ADGRE2: variants seen among roughly 807,000 people sequenced by gnomAD.
The protein encoded by ADGRE2 is CD97 antigen.
A neutral mutation model predicts 100.8 loss-of-function variants in ADGRE2; 83 were observed. The observed-to-expected ratio is 0.82, with a 90% confidence interval of 0.69 to 0.99. The LOEUF is 0.99. Ranked by LOEUF, ADGRE2 falls within the 50% of genes least tolerant of loss-of-function variation. The probability of loss-of-function intolerance (pLI) is 0.00; values close to 1 mark genes in which losing one functional copy is unlikely to be tolerated. For synonymous variants in ADGRE2, 355 were observed against 413.0 expected, an observed-to-expected ratio of 0.86 and a Z score of 1.70; for missense variants, 814 against 1,035.7, an observed-to-expected ratio of 0.79 and a Z score of 2.94.
At chr19:14,738,383 T>C (rs562967055) in intron 20 of ADGRE2, among the ~76,000 whole-genome samples, 67 of 152,022 alleles carry the variant, frequency 4.4e-4, no homozygotes, top group African/African-American at 1.6e-3. Flanking sequence ...ACTGAATTCC[T>C]TTTTTTTCCC....
chr19:14,724,464 T>A, the ADGRE2 span, among the ~76,000 whole-genome samples: 1 of 152,118 alleles, frequency 6.6e-6, no homozygotes, highest in Non-Finnish European at 1.5e-5. Context: ...TGACATTTTC[T>A]CCATTAAAAA....
At chr19:14,776,506 C>T (rs185223569) in intron 2 of ADGRE2, 21 of 594,306 alleles carry the variant, frequency 3.5e-5, no homozygotes, top group Non-Finnish European at 5.4e-5. Flanking sequence ...GGCAGGGTAG[C>T]AGGCTCCGAG....
intron 5 of ADGRE2, among the ~76,000 whole-genome samples, chr19:14,770,487 G>A (rs1296233317): frequency 6.6e-6 from 1 of 151,894 alleles, no homozygotes; most frequent in East Asian, 1.9e-4. Context: ...CTAAAACAGA[G>A]GCTCTCACTG....
chr19:14,769,987 T>C (rs374407915), intron 5 of ADGRE2, among the ~76,000 whole-genome samples: 3 of 152,322 alleles, frequency 2.0e-5, no homozygotes, highest in African/African-American at 7.2e-5. Flanking sequence ...CATGAGCCAC[T>C]GCGCCCGGCC....
chr19:14,749,087 C>T (rs1407175754), intron 16 of ADGRE2, among the ~76,000 whole-genome samples: 2 of 150,398 alleles, frequency 1.3e-5, no homozygotes, highest in East Asian at 3.9e-4. Context: ...TATAAGATCA[C>T]ATTATAATTA....
At position 14,734,330 on chromosome 19, in the gene ADGRE2, G is replaced by C. The variant is rs2042711742; in HGVS notation, c.*1906C>G. 1 of 152,212 alleles carries C rather than the reference G, an allele frequency of 6.6e-6. No individual in the cohort carries two copies. Among genetic ancestry groups the C allele is most frequent in the Non-Finnish European group, 1.5e-5 (1 of 68,078 alleles). The allele number at this position is 152,212 out of a possible 1,614,324, so 9.4% of individuals were successfully genotyped here. On this transcript the variant is annotated 3_prime_UTR_variant, in exon 21 of 21. Coordinates refer to ENST00000315576, the MANE Select transcript of ADGRE2 (RefSeq NM_013447.4). ...GGAGATTAAGACCTGAGCCTGGGCA[G>C]CATAGTGAGACCCACGTCTCTACAA...
chr19:14,750,545 G>A (rs1035156106), intron 16 of ADGRE2, among the ~76,000 whole-genome samples: 1 of 150,862 alleles, frequency 6.6e-6, no homozygotes, highest in Non-Finnish European at 1.5e-5. Context: ...CAGTGTCCTG[G>A]AGGTTTCAAC....
chr19:14,739,742 T>C (rs2042869803), intron 20 of ADGRE2, among the ~76,000 whole-genome samples: 1 of 152,156 alleles, frequency 6.6e-6, no homozygotes, highest in South Asian at 2.1e-4. Flanking sequence ...TTGCCCTGGA[T>C]TGTCTTGGTG....
Position 14,766,349 on chromosome 19 carries a change from A to C in ADGRE2, c.520T>G (p.Cys174Gly). ...TTGAGGCAGTGGGTGGAGCTGTGGC[A>C]TGGGTTTTGTCCGGAGGTGCATTCA... ...VNECTSGQNPCHSSTHCLNNV... is the reference protein window; with the variant it reads ...VNECTSGQNPGHSSTHCLNNV... The change falls in exon 7 of 21, where the codon TGC becomes GGC. Residue 174 changes from cysteine to glycine, a missense_variant. By Grantham distance (159) the Cys-to-Gly change is radical (BLOSUM62 -3). This residue lies in a region of ADGRE2 where 69 missense variants were observed against 75.3 expected (regional missense o/e 0.92). Transcript: ENST00000315576. The C allele has an allele frequency of 6.2e-7, 1 of 1,614,028 alleles. No individual in the cohort carries two copies. The highest frequency in any genetic ancestry group is 8.5e-7 in the Non-Finnish European group (1 of 1,180,012).
At chr19:14,759,737 T>C (rs2043644296) in intron 11 of ADGRE2, among the ~76,000 whole-genome samples, 1 of 151,630 alleles carries the variant, frequency 6.6e-6, no homozygotes, top group African/African-American at 2.4e-5. Flanking sequence ...TCAGGTGATC[T>C]GCCTGCCTTG....
At chr19:14,769,680 C>CTCTCT (rs2044123136) in intron 5 of ADGRE2, among the ~76,000 whole-genome samples, 1 of 152,070 alleles carries the variant, frequency 6.6e-6, no homozygotes, top group Non-Finnish European at 1.5e-5. Context: ...CTTTTCTTTT[C>CTCTCT]TCTCTTCTCT....
At chr19:14,762,936 C>T (rs1196791090) in intron 11 of ADGRE2, among the ~76,000 whole-genome samples, 1 of 152,136 alleles carries the variant, frequency 6.6e-6, no homozygotes, top group African/African-American at 2.4e-5. Flanking sequence ...GAGCGCCTGG[C>T]ATTACAGGCA....
chr19:14,760,686 C>T (rs1311904487), intron 11 of ADGRE2, among the ~76,000 whole-genome samples: 7 of 151,826 alleles, frequency 4.6e-5, no homozygotes, highest in African/African-American at 1.7e-4. Context: ...CCTTTTTGGC[C>T]AGGGCACTCT....
Position 14,755,661 on chromosome 19 carries a change from GAGA to G in ADGRE2, c.1406_1408del (p.Phe469del). 1 of 1,614,096 alleles carries G rather than the reference GAGA, an allele frequency of 6.2e-7. No homozygotes were observed. The highest frequency in any genetic ancestry group is 8.5e-7 in the Non-Finnish European group (1 of 1,179,948). On this transcript the variant is annotated inframe_deletion, in exon 13 of 21. Coordinates refer to ENST00000315576, the MANE Select transcript of ADGRE2 (RefSeq NM_013447.4). ...AACTCCACCAGCACTCACACGGTGG[GAGA>G]AGGTGAAGGTAACTGGGGAGCTGAG...
the ADGRE2 span, among the ~76,000 whole-genome samples, chr19:14,727,347 G>A: frequency 6.6e-6 from 1 of 152,088 alleles, no homozygotes; most frequent in Non-Finnish European, 1.5e-5. Context: ...AGGTTTAATT[G>A]GCTCACTGTT....
downstream of ADGRE2, chr19:14,731,311 G>A (rs1463537174): frequency 1.0e-6 from 1 of 964,826 alleles, no homozygotes; most frequent in Non-Finnish European, 1.6e-6. Context: ...GAAGCTTGCA[G>A]GTCAGTGGCC....
In ADGRE2 at chr19:14,755,752, C is replaced by T. The variant is rs758452952; in HGVS notation, c.1318G>A (p.Gly440Ser). ...ACATCTGAGAGCAGGATGGGGGAGC[C>T]GTCCTGCAGCAAGCCCTGGTGTGTC... Reference protein sequence around the residue: ...HETHQGLLQDGSPILLSDVIS... With the variant: ...HETHQGLLQDSSPILLSDVIS... The change falls in exon 13 of 21, where the codon GGC becomes AGC. Residue 440 changes from glycine (G) to serine (S), a missense_variant. By Grantham distance (56) the Gly-to-Ser change is moderately conservative. Around this residue, in one of 5 missense-constraint regions of ADGRE2, gnomAD observed 569 missense variants for 692.7 expected, o/e 0.82. Transcript: ENST00000315576. The T allele has an allele frequency of 1.1e-5, 18 of 1,614,040 alleles. No individual in the cohort carries two copies. Among genetic ancestry groups the T allele is most frequent in the East Asian group, 4.5e-5 (2 of 44,898 alleles).
chr19:14,732,593 C>T lies in ADGRE2; in HGVS notation c.*3643G>A, dbSNP rs2147056100. 6.6e-6 allele frequency: 1 copy of T among 152,260 alleles called. No homozygotes were observed. The highest frequency in any genetic ancestry group is 1.9e-4 in the East Asian group (1 of 5,178). 9.4% of individuals were successfully genotyped at this position (152,260 alleles called of 1,614,324 possible). On this transcript the variant is annotated 3_prime_UTR_variant, in exon 21 of 21. Coordinates refer to ENST00000315576, the MANE Select transcript of ADGRE2 (RefSeq NM_013447.4). ...TGGGCAGTGAGTCAAATCTGACCCACCATCTGTTTCTGTACAGCTAAGAAT... is the reference window on the plus strand; with the variant it reads ...TGGGCAGTGAGTCAAATCTGACCCATCATCTGTTTCTGTACAGCTAAGAAT...
chr19:14,755,939 T>C, intron 12 of ADGRE2, 62 bp from the exon 13 acceptor site: 6 of 1,404,908 alleles, frequency 4.3e-6, no homozygotes, highest in South Asian at 1.2e-5. Context: ...CACACCAGAG[T>C]TCCTCTGCCC....
Sources: gnomAD v4.1 joint callset for allele counts (sites outside exome capture counted in the v4.1 genomes callset) on GRCh38, gnomAD v4.1.1 for gene constraint, gnomAD v4.1.1 regional missense constraint, MANE v1.5 for transcripts, NCBI Gene and HGNC (gene_info 2026-07-23, HGNC 2026-07-21) for gene names.